RIN2: variants seen among roughly 807,000 people sequenced by gnomAD.
RIN2 encodes Ras and Rab interactor 2.
In RIN2, 36 loss-of-function variants were observed where a neutral mutation model predicts 78.0. That is an observed-to-expected ratio of 0.46 (90% CI 0.35 to 0.61). The LOEUF (loss-of-function observed/expected upper bound fraction) is 0.61. RIN2 is among the 20% of genes least tolerant of loss of function. RIN2 has a pLI of 0.00. For missense variants in RIN2, 1,087 were observed against 1,159.7 expected, an observed-to-expected ratio of 0.94 and a Z score of 0.91; for synonymous variants, 466 against 466.8, an observed-to-expected ratio of 1.00 and a Z score of 0.02.
chr20:19,859,748 A>C (rs2123267820), intron 2 of RIN2, among the ~76,000 whole-genome samples: 1 of 152,336 alleles, frequency 6.6e-6, no homozygotes, highest in Middle Eastern at 3.4e-3. Flanking sequence ...CTGACAGCTC[A>C]AACTCAACAA....
At chr20:19,806,178 T>G (rs35137495) in intron 2 of RIN2, among the ~76,000 whole-genome samples, 1 of 152,148 alleles carries the variant, frequency 6.6e-6, no homozygotes, top group Admixed American at 6.5e-5. Flanking sequence ...CTGCAATAAA[T>G]GTGAGTGTGC....
intron 2 of RIN2, among the ~76,000 whole-genome samples, chr20:19,857,878 T>C (rs1292901838): frequency 6.6e-6 from 1 of 152,330 alleles, no homozygotes; most frequent in Non-Finnish European, 1.5e-5. Flanking sequence ...TTGAACAGTC[T>C]TTTGAATGTT....
chr20:19,943,476 G>A (rs1480714668), intron 4 of RIN2, among the ~76,000 whole-genome samples: 1 of 152,150 alleles, frequency 6.6e-6, no homozygotes, highest in Non-Finnish European at 1.5e-5. Context: ...TTTTGAGGAA[G>A]TTGGGGCTCC....
At chr20:19,909,512 T>G (rs2039369323) in intron 3 of RIN2, among the ~76,000 whole-genome samples, 1 of 152,152 alleles carries the variant, frequency 6.6e-6, no homozygotes, top group South Asian at 2.1e-4. Flanking sequence ...TGAGCATTTG[T>G]GTGCTTGTGT....
intron 2 of RIN2, among the ~76,000 whole-genome samples, chr20:19,800,378 A>C (rs1177796155): frequency 1.3e-5 from 2 of 152,188 alleles, no homozygotes; most frequent in African/African-American, 2.4e-5. Context: ...CTACTCCTCC[A>C]TCAAGTGGAG....
At chr20:19,866,961 T>C (rs1182331714) in intron 2 of RIN2, among the ~76,000 whole-genome samples, 1 of 152,194 alleles carries the variant, frequency 6.6e-6, no homozygotes, top group African/African-American at 2.4e-5. Flanking sequence ...GTTAGTGTTT[T>C]GCTGTGCGAA....
chr20:19,848,621 A>G (rs1294610790), intron 2 of RIN2, among the ~76,000 whole-genome samples: 1 of 150,600 alleles, frequency 6.6e-6, no homozygotes, highest in African/African-American at 2.4e-5. Context: ...ATCTGCTCTT[A>G]TTAATCAGTA....
intron 4 of RIN2, among the ~76,000 whole-genome samples, chr20:19,943,237 G>A (rs1418881231): frequency 2.0e-5 from 3 of 152,156 alleles, no homozygotes; most frequent in Admixed American, 6.5e-5. Context: ...TCTGTATCTG[G>A]CCTTCTCATC....
intron 2 of RIN2, among the ~76,000 whole-genome samples, chr20:19,886,285 C>A (rs2123467342): frequency 6.6e-6 from 1 of 152,304 alleles, no homozygotes; most frequent in East Asian, 1.9e-4. Context: ...CTCCAGCGGT[C>A]TCACATAGCA....
rs935219916 is a variant in RIN2, at chr20:19,875,727, T to C, written c.-36-13839T>C. Among the ~76,000 whole-genome samples the C allele has an allele frequency of 3.3e-5, 5 of 152,214 alleles. No individual in the cohort carries two copies. The East Asian group carries it at 7.7e-4, about 23-fold the overall frequency. On this transcript the variant is annotated intron_variant, in intron 2 of 12. Transcript: ENST00000255006. The stretch of plus-strand genomic sequence containing the variant: ...ATGAAACAGACACAGACAGTGGTGA[T>C]GCAGACATTTAAATCACTCAACACG...
chr20:19,974,741 C>T lies in RIN2; in HGVS notation c.716C>T (p.Ser239Phe), dbSNP rs941789764. Reference sequence around the variant, plus strand: ...TCCTCCGACGGTGTCTGTCCTGCCTCCCTGCGTCAGCTCTGCCTTATAAAT... The same window carrying T: ...TCCTCCGACGGTGTCTGTCCTGCCTTCCTGCGTCAGCTCTGCCTTATAAAT... ...PLSSDGVCPA[S>F]LRQLCLINGV... The change falls in exon 9 of 13, where the codon TCC becomes TTC. Residue 239 changes from serine (S) to phenylalanine (F), a missense_variant. Coordinates refer to ENST00000255006, the MANE Select transcript of RIN2 (RefSeq NM_018993.4). The T allele has an allele frequency of 6.2e-7, 1 of 1,614,048 alleles. No individual in the cohort carries two copies. The highest frequency in any genetic ancestry group is 8.5e-7 in the Non-Finnish European group (1 of 1,179,898).
At chr20:19,844,669 C>CCT (rs1568807647) in intron 2 of RIN2, among the ~76,000 whole-genome samples, 112 of 76,222 alleles carry the variant, frequency 1.5e-3, no homozygotes, top group African/African-American at 6.5e-3. Flanking sequence ...TCTTCTTCTT[C>CCT]CTTCTTCTTC....
At chr20:19,797,606 T>G (rs1001485877) in intron 1 of RIN2, among the ~76,000 whole-genome samples, 1 of 152,178 alleles carries the variant, frequency 6.6e-6, no homozygotes, top group Non-Finnish European at 1.5e-5. Context: ...GAAGACATTG[T>G]GAAGTGATGT....
In RIN2 at chr20:19,852,519, T is replaced by C. The variant is rs574745389; in HGVS notation, c.-36-37047T>C. Among the ~76,000 whole-genome samples the C allele has an allele frequency of 2.2e-4, 34 of 152,244 alleles. No individual in the cohort carries two copies. The South Asian group carries it at 6.6e-3, about 30-fold the overall frequency. ...GAACATGGAGAGCAAGCAAGAAGCA[T>C]TGGTTGGGCGATCCTAAAGGCTTGA... On this transcript the variant is annotated intron_variant, in intron 2 of 12. Transcript: ENST00000255006.
At chr20:19,979,354 T>G (rs2042375767) in intron 9 of RIN2, among the ~76,000 whole-genome samples, 1 of 152,230 alleles carries the variant, frequency 6.6e-6, no homozygotes, top group South Asian at 2.1e-4. Flanking sequence ...TGTGCTTATT[T>G]AAGTGCTACA....
intron 12 of RIN2, among the ~76,000 whole-genome samples, chr20:19,997,058 C>A (rs528727782): frequency 2.1e-4 from 32 of 152,126 alleles, no homozygotes; most frequent in African/African-American, 7.7e-4. Context: ...TTTAAGAAAA[C>A]CAAGTTGAAT....
intron 1 of RIN2, among the ~76,000 whole-genome samples, chr20:19,781,879 G>C (rs1037241629): frequency 6.6e-6 from 1 of 151,884 alleles, no homozygotes; most frequent in Non-Finnish European, 1.5e-5. Context: ...CCTACAGCTA[G>C]GAATACGAAA....
chr20:19,939,544 A>C (rs1600872708), intron 4 of RIN2, among the ~76,000 whole-genome samples: 1 of 152,178 alleles, frequency 6.6e-6, no homozygotes, highest in Non-Finnish European at 1.5e-5. Flanking sequence ...TGCATCTAAA[A>C]CCAAAATTAT....
At chr20:19,982,084 T>A (rs2042471929) in intron 9 of RIN2, among the ~76,000 whole-genome samples, 1 of 152,146 alleles carries the variant, frequency 6.6e-6, no homozygotes, top group South Asian at 2.1e-4. Flanking sequence ...GGAACCCCAG[T>A]GTGGTTTTCA....
Sources: gnomAD v4.1 joint callset for allele counts (sites outside exome capture counted in the v4.1 genomes callset) on GRCh38, gnomAD v4.1.1 for gene constraint, MANE v1.5 for transcripts, NCBI Gene and HGNC (gene_info 2026-07-23, HGNC 2026-07-21) for gene names.